Variants in LTN1 observed in about 807,000 individuals in gnomAD.
LTN1 encodes the protein listerin E3 ubiquitin protein ligase 1, also known as E3 ubiquitin-protein ligase listerin.
LTN1 carries 88 observed loss-of-function variants against 201.2 expected under a neutral mutation model. The observed-to-expected ratio is 0.44, with a 90% CI of 0.37 to 0.52. LTN1 has a LOEUF of 0.52. Ranked by LOEUF, LTN1 falls within the 20% of genes least tolerant of loss-of-function variation. The pLI is 0.00. For synonymous variants in LTN1, 645 were observed against 713.5 expected, an observed-to-expected ratio of 0.90 and a Z score of 1.53; for missense variants, 1,752 against 2,038.7, an observed-to-expected ratio of 0.86 and a Z score of 2.71.
chr21:28,956,648 A>G, intron 16 of LTN1, 114 bp downstream of exon 16: 1 of 580,568 alleles, frequency 1.7e-6, no homozygotes, highest in Non-Finnish European at 2.7e-6. Context: ...AAAATAGGAA[A>G]AAGAAAGCTG....
At chr21:28,946,545 T>G (rs1404611783) in intron 19 of LTN1, among the ~76,000 whole-genome samples, 2 of 152,202 alleles carry the variant, frequency 1.3e-5, no homozygotes, top group Non-Finnish European at 2.9e-5. Flanking sequence ...TAATTTAAAC[T>G]GACTTATGCT....
intron 25 of LTN1, among the ~76,000 whole-genome samples, chr21:28,939,995 C>A (rs957909001): frequency 1.3e-5 from 2 of 152,074 alleles, no homozygotes; most frequent in African/African-American, 4.8e-5. Context: ...TATCTTTGTA[C>A]CAGGGTATAG....
At chr21:28,979,730 G>A (rs1245964243) in intron 6 of LTN1, among the ~76,000 whole-genome samples, 1 of 152,166 alleles carries the variant, frequency 6.6e-6, no homozygotes, top group Non-Finnish European at 1.5e-5. Context: ...AGCACTTTGG[G>A]AGGCCGAGGT....
At chr21:28,931,398 TAAAGTTG>T in intron 28 of LTN1, 76 bp from the exon 29 acceptor site, 1 of 796,314 alleles carries the variant, frequency 1.3e-6, no homozygotes, top group Non-Finnish European at 1.9e-6. Flanking sequence ...TCACAAATTT[TAAAGTTG>T]AATTACAATT....
At chr21:28,941,667 C>T (rs1764254722) in intron 24 of LTN1, among the ~76,000 whole-genome samples, 1 of 151,956 alleles carries the variant, frequency 6.6e-6, no homozygotes, top group South Asian at 2.1e-4. Context: ...AATCACACAC[C>T]CAGAGAAGCC....
intron 14 of LTN1, 48 bp from the exon 15 acceptor site, chr21:28,957,524 G>A (rs759751606): frequency 7.3e-7 from 1 of 1,376,662 alleles, no homozygotes. Context: ...GCTATGACTA[G>A]TTTGAATACC....
chr21:28,965,829 T>C (rs201690032), intron 11 of LTN1, 36 bp downstream of exon 11: 2 of 1,120,224 alleles, frequency 1.8e-6, no homozygotes, highest in South Asian at 1.5e-5. Flanking sequence ...TTCCCATAAA[T>C]ACAAAAAAAA....
At chr21:28,969,351 AAAAAT>A in intron 9 of LTN1, 110 bp downstream of exon 9, 1 of 862,806 alleles carries the variant, frequency 1.2e-6, no homozygotes, top group South Asian at 2.5e-5. Context: ...GGTAAATTAT[AAAAAT>A]AAAATTTTTA....
chr21:28,939,924 T>C (rs1186741549), intron 25 of LTN1, among the ~76,000 whole-genome samples: 1 of 152,218 alleles, frequency 6.6e-6, no homozygotes. Context: ...GCTAGATCAA[T>C]GCTGCTTCTG....
intron 6 of LTN1, among the ~76,000 whole-genome samples, chr21:28,977,373 CAA>C (rs113562906): frequency 5.7e-4 from 58 of 102,486 alleles, no homozygotes; most frequent in East Asian, 7.8e-4. Flanking sequence ...GACTCCATCT[CAA>C]AAAAAAAAAA....
At chr21:28,938,934 T>A (rs1204041606) in intron 25 of LTN1, among the ~76,000 whole-genome samples, 5 of 152,136 alleles carry the variant, frequency 3.3e-5, no homozygotes, top group Admixed American at 3.3e-4. Context: ...GTGATTGCTA[T>A]CAATTACAAT....
intron 4 of LTN1, among the ~76,000 whole-genome samples, chr21:28,984,100 A>G (rs1334642500): frequency 6.6e-6 from 1 of 152,198 alleles, no homozygotes; most frequent in Non-Finnish European, 1.5e-5. Flanking sequence ...ATTATAAAAA[A>G]TTTTAATGTT....
rs2084699721 is a variant in LTN1 at position 28,986,501 on chromosome 21, CTA to C, written c.246+228_246+229del. 1.5e-6 allele frequency: 1 copy of C among 656,058 alleles called. No homozygotes were observed. The highest frequency in any genetic ancestry group is 1.8e-5 in the African/African-American group (1 of 54,484). The allele number at this position is 656,058 out of a possible 1,614,324, so 40.6% of individuals were successfully genotyped here. On this transcript the variant is annotated intron_variant, in intron 2 of 29. Coordinates refer to ENST00000361371, the MANE Select transcript of LTN1 (RefSeq NM_015565.3). This position sits in a 1 kb window ranked among gnomAD's most constrained non-coding sequence, Gnocchi z 4.1. ...AAGTTACATTCCCTAATGGGAAAAA[CTA>C]TACAGCCAAAATTCCAAAGCACTTT...
chr21:28,983,439 A>C (rs917737064), intron 4 of LTN1, among the ~76,000 whole-genome samples: 1 of 152,222 alleles, frequency 6.6e-6, no homozygotes, highest in Non-Finnish European at 1.5e-5. Flanking sequence ...ATGGGTTAGA[A>C]AACTCCATTT....
intron 29 of LTN1, 73 bp downstream of exon 29, chr21:28,931,082 T>G: frequency 1.2e-6 from 1 of 867,866 alleles, no homozygotes; most frequent in Non-Finnish European, 1.9e-6. Context: ...TGTGTGTGTG[T>G]GTGTGTGTGT....
intron 3 of LTN1, 21 bp from the exon 4 acceptor site, chr21:28,984,943 ATT>A (rs1299335752): frequency 6.4e-7 from 1 of 1,554,812 alleles, no homozygotes; most frequent in Non-Finnish European, 8.8e-7. Flanking sequence ...TATAAATGTG[ATT>A]TAAAATAGCT....
rs778312620 is a variant in LTN1, at chr21:28,966,614, G to A, written c.1877C>T (p.Ser626Leu). ...FLSTLLDSFS[S>L]SRVFKMLLGD... is the part of the protein sequence containing the mutation. The stretch of plus-strand genomic sequence containing the variant: ...AAGTAGCATTTTAAATACTCGGCTT[G>A]AAGAAAAGGAGTCAAGCAGAGTAGA... Residue 626 changes from serine (S) to leucine (L), a missense_variant, in exon 10 of 30, where the codon TCA (serine) becomes TTA (leucine). Physicochemically the swap from Ser to Leu is moderately radical, Grantham distance 145. Around this residue, in one of 3 missense-constraint regions of LTN1, gnomAD observed 1,211 missense variants for 1,312.8 expected, o/e 0.92. Coordinates refer to ENST00000361371, the MANE Select transcript of LTN1 (RefSeq NM_015565.3). 1 of 1,614,080 alleles carries A rather than the reference G, an allele frequency of 6.2e-7. No homozygotes were observed. The highest frequency in any genetic ancestry group is 1.1e-5 in the South Asian group (1 of 91,076).
intron 1 of LTN1, among the ~76,000 whole-genome samples, chr21:28,989,027 T>A (rs1406841615): frequency 6.6e-6 from 1 of 152,054 alleles, no homozygotes; most frequent in Non-Finnish European, 1.5e-5. Context: ...CTGTTCTCTA[T>A]TTTTTAAGTT....
At chr21:28,943,610 C>T in intron 23 of LTN1, 57 bp downstream of exon 23, 1 of 1,265,038 alleles carries the variant, frequency 7.9e-7, no homozygotes, top group Non-Finnish European at 1.1e-6. Flanking sequence ...AAAAACTAAG[C>T]ATATATTCTA....
Sources: allele counts gnomAD v4.1 joint callset (sites outside exome capture counted in the v4.1 genomes callset), GRCh38; gene constraint gnomAD v4.1.1; regional missense constraint gnomAD v4.1.1; non-coding constraint Gnocchi (gnomAD v3.1); transcripts MANE v1.5; gene names NCBI Gene and HGNC (gene_info 2026-07-23, HGNC 2026-07-21).